Variants in PTPRA observed in about 807,000 individuals in gnomAD.
The protein encoded by PTPRA is protein tyrosine phosphatase receptor type A, also known as receptor-type tyrosine-protein phosphatase alpha.
A neutral mutation model predicts 104.8 loss-of-function variants in PTPRA; 25 were observed. That is an observed-to-expected ratio of 0.24 (90% CI 0.17 to 0.33). The LOEUF (loss-of-function observed/expected upper bound fraction) is 0.33, where lower values mean the gene tolerates loss of function less well. PTPRA is among the 10% of genes least tolerant of loss of function. PTPRA has a pLI of 1.00. For synonymous variants in PTPRA, 323 were observed against 368.9 expected, an observed-to-expected ratio of 0.88 and a Z score of 1.43; for missense variants, 765 against 1,015.3, an observed-to-expected ratio of 0.75 and a Z score of 3.35.
intron 1 of PTPRA, among the ~76,000 whole-genome samples, chr20:2,904,551 C>A (rs2059350053): frequency 6.6e-6 from 1 of 151,302 alleles, no homozygotes; most frequent in Admixed American, 6.6e-5. Flanking sequence ...TGCCTGCGGT[C>A]CCAGCTACTC....
At chr20:3,017,359 T>C (rs964473430) in intron 12 of PTPRA, among the ~76,000 whole-genome samples, 4 of 152,182 alleles carry the variant, frequency 2.6e-5, no homozygotes, top group Admixed American at 1.3e-4. Context: ...CTAGTGACTT[T>C]CCGAAAAAGG....
At chr20:2,971,818 G>A (rs1281417784) in intron 5 of PTPRA, among the ~76,000 whole-genome samples, 1 of 152,016 alleles carries the variant, frequency 6.6e-6, no homozygotes, top group Non-Finnish European at 1.5e-5. Context: ...TGTTTCTATG[G>A]TGGATTCTAT....
chr20:3,024,905 C>G (rs2065057973), intron 17 of PTPRA, among the ~76,000 whole-genome samples: 1 of 152,192 alleles, frequency 6.6e-6, no homozygotes, highest in African/African-American at 2.4e-5. Context: ...TCTGTAAGAG[C>G]CAGATAATAA....
intron 16 of PTPRA, among the ~76,000 whole-genome samples, chr20:3,023,326 G>A (rs2064974919): frequency 6.6e-6 from 1 of 152,214 alleles, no homozygotes; most frequent in South Asian, 2.1e-4. Context: ...CTCGTGGGAA[G>A]GGAAGGGTCT....
In PTPRA at chr20:3,032,682, T is replaced by C. The variant is rs778279475; in HGVS notation, c.1921-2903T>C. 1.4e-4 allele frequency among the ~76,000 whole-genome samples: 21 copies of C among 151,616 alleles called. 1 individual carries two copies. The highest frequency in any genetic ancestry group is 2.2e-4 in the Non-Finnish European group (15 of 67,830). On this transcript the variant is annotated intron_variant, in intron 20 of 23. Transcript: ENST00000399903. ...TCGGGAGGCTGAGGCAGGAGAATCG[T>C]TTGAACCAGGGAGCTGAAGGTTGCA...
At chr20:2,905,116 C>G (rs1283013977) in intron 1 of PTPRA, among the ~76,000 whole-genome samples, 2 of 152,214 alleles carry the variant, frequency 1.3e-5, no homozygotes, top group African/African-American at 4.8e-5. Flanking sequence ...ACTGTACACT[C>G]CAGGGATCTA....
At chr20:2,963,305 TAAA>T (rs1163216831) in intron 3 of PTPRA, among the ~76,000 whole-genome samples, 1 of 152,130 alleles carries the variant, frequency 6.6e-6, no homozygotes, top group Non-Finnish European at 1.5e-5. Flanking sequence ...GTGACTTTTT[TAAA>T]AAAGTTTTTT....
At chr20:2,948,844 G>A (rs750483776) in intron 3 of PTPRA, among the ~76,000 whole-genome samples, 2 of 151,970 alleles carry the variant, frequency 1.3e-5, no homozygotes, top group South Asian at 2.1e-4. Context: ...CCCAGCTGCT[G>A]GGGAGGCTGA....
At chr20:3,018,363 A>T (rs917716950) in intron 13 of PTPRA, among the ~76,000 whole-genome samples, 1 of 151,720 alleles carries the variant, frequency 6.6e-6, no homozygotes, top group African/African-American at 2.4e-5. Flanking sequence ...TAGGCAGAGG[A>T]CCCTGCGGCC....
At chr20:2,961,304 A>C (rs1308665412) in intron 3 of PTPRA, among the ~76,000 whole-genome samples, 2 of 152,184 alleles carry the variant, frequency 1.3e-5, no homozygotes, top group African/African-American at 4.8e-5. Flanking sequence ...AGTATTGTCA[A>C]ATGTTTTGGA....
At chr20:2,897,275 A>G (rs1249902778) in intron 1 of PTPRA, among the ~76,000 whole-genome samples, 2 of 151,868 alleles carry the variant, frequency 1.3e-5, no homozygotes, top group African/African-American at 2.4e-5. Context: ...TTTGCTTGCT[A>G]GTTTTACCAT....
chr20:2,986,694 G>A, intron 6 of PTPRA, 71 bp from the exon 7 acceptor site: 1 of 1,289,354 alleles, frequency 7.8e-7, no homozygotes, highest in East Asian at 2.3e-5. Flanking sequence ...TCAGGGTGTT[G>A]CCCTGAATGG....
intron 9 of PTPRA, among the ~76,000 whole-genome samples, chr20:2,998,191 A>T (rs922852120): frequency 3.9e-5 from 6 of 152,198 alleles, no homozygotes; most frequent in African/African-American, 1.4e-4. Context: ...AAAAAAAAAA[A>T]AAAAAGGCTT....
chr20:2,938,561 T>G (rs537251610), intron 2 of PTPRA, among the ~76,000 whole-genome samples: 2 of 152,264 alleles, frequency 1.3e-5, no homozygotes, highest in South Asian at 2.1e-4. Flanking sequence ...GGGACCCTGA[T>G]AGCATGAATG....
intron 1 of PTPRA, among the ~76,000 whole-genome samples, chr20:2,898,357 G>A (rs968120975): frequency 6.6e-6 from 1 of 151,748 alleles, no homozygotes; most frequent in Non-Finnish European, 1.5e-5. Flanking sequence ...TGGGATTACA[G>A]GCGTGAGCCA....
At chr20:2,978,965 G>A (rs377412182) in intron 6 of PTPRA, among the ~76,000 whole-genome samples, 1 of 152,194 alleles carries the variant, frequency 6.6e-6, no homozygotes, top group Non-Finnish European at 1.5e-5. Context: ...GGATGCCAAA[G>A]CCAATCTCTT....
intron 5 of PTPRA, among the ~76,000 whole-genome samples, chr20:2,969,404 C>T (rs2062073645): frequency 1.3e-5 from 2 of 151,790 alleles, no homozygotes; most frequent in African/African-American, 4.8e-5. Flanking sequence ...CCCACCACCA[C>T]ACCCAGCTGT....
At chr20:3,025,067 G>A (rs111585888) in intron 17 of PTPRA, among the ~76,000 whole-genome samples, 1,740 of 152,250 alleles carry the variant, frequency 0.011, 36 homozygotes, top group African/African-American at 0.04. Context: ...GGCCAGATTT[G>A]GCCTCTGGAC....
rs1362053764 is a variant in PTPRA at position 2,882,312 on chromosome 20, G to A, written c.-129+8552G>A. 3.1e-5 allele frequency among the ~76,000 whole-genome samples: 4 copies of A among 130,472 alleles called. No homozygotes were observed. In the East Asian group the frequency reaches 8.5e-4, roughly 28 times the overall value. 85.6% of individuals were successfully genotyped at this position (130,472 alleles called of 152,430 possible). On this transcript the variant is annotated intron_variant, in intron 1 of 23. Coordinates refer to ENST00000399903, the MANE Select transcript of PTPRA (RefSeq NM_001385305.1). Reference sequence around the variant, plus strand: ...TCTTTCTTTCTTTTTTTTTTTTTGAGACAGTTTTGTTCTGTCACCCAGGCT... The same window carrying A: ...TCTTTCTTTCTTTTTTTTTTTTTGAAACAGTTTTGTTCTGTCACCCAGGCT...
Sources: gnomAD v4.1 joint callset for allele counts (sites outside exome capture counted in the v4.1 genomes callset) on GRCh38, gnomAD v4.1.1 for gene constraint, MANE v1.5 for transcripts, NCBI Gene and HGNC (gene_info 2026-07-23, HGNC 2026-07-21) for gene names.